Variants in WDR83 observed in about 807,000 individuals in gnomAD.
The protein encoded by WDR83 is WD repeat domain-containing protein 83.
Under a neutral mutation model 37.7 loss-of-function variants are expected in WDR83, and 37 were observed. The observed-to-expected ratio is 0.98, with a 90% CI of 0.76 to 1.29. The LOEUF (loss-of-function observed/expected upper bound fraction) is 1.29, where lower values mean the gene tolerates loss of function less well. WDR83 is among the 50% of genes most tolerant of loss of function. WDR83 has a pLI of 0.00. For missense variants in WDR83, 445 were observed against 414.4 expected, an observed-to-expected ratio of 1.07 and a Z score of -0.64; for synonymous variants, 174 against 181.1, an observed-to-expected ratio of 0.96 and a Z score of 0.31.
chr19:12,673,161 C>T (rs1177706745), intron 9 of WDR83, 41 bp from the exon 10 acceptor site: 1 of 1,610,558 alleles, frequency 6.2e-7, no homozygotes, highest in African/African-American at 1.3e-5. Context: ...CCTCTCCCAC[C>T]CCTGGAGAGG....
chr19:12,670,181 T>A lies in WDR83; in HGVS notation c.226T>A (p.Ser76Thr). 6.2e-7 allele frequency: 1 copy of A among 1,613,362 alleles called. No homozygotes were observed. Among genetic ancestry groups the A allele is most frequent in the Non-Finnish European group, 8.5e-7 (1 of 1,179,534 alleles). Residue 76 changes from serine (S) to threonine (T), a missense_variant and splice_region_variant, in exon 5 of 11, where the codon TCC (serine) becomes ACC (threonine). Ser to Thr is a moderately conservative substitution (Grantham distance 58). Transcript: ENST00000418543. ...HGYEVLDAAG[S>T]FDNSSLCSGG... ...GATCCTCCTCCTCCTTTACTCCAGC[T>A]CCTTTGACAACAGTAGTCTCTGCTC...
At position 12,675,504 on chromosome 19, in the gene WDR83, C is replaced by T. The variant is rs771459562; in HGVS notation, c.799-19C>T. 9 of 1,600,806 alleles carry T rather than the reference C, an allele frequency of 5.6e-6. No individual in the cohort carries two copies. The South Asian group carries it at 8.8e-5, about 16-fold the overall frequency. On this transcript the variant is annotated intron_variant, in intron 10 of 10. Coordinates refer to ENST00000418543, the MANE Select transcript of WDR83 (RefSeq NM_001099737.3). ...ACAGCCCAGCCACAGATAACCACTC[C>T]CTACCCCTCGCTCCACAGGGTGCGC...
Position 12,675,676 on chromosome 19 carries a change from C to G in WDR83, c.*4C>G. The G allele has an allele frequency of 6.3e-7, 1 of 1,599,928 alleles. No homozygotes were observed. Among genetic ancestry groups the G allele is most frequent in the Non-Finnish European group, 8.5e-7 (1 of 1,179,100 alleles). On this transcript the variant is annotated 3_prime_UTR_variant, in exon 11 of 11. Coordinates refer to ENST00000418543, the MANE Select transcript of WDR83 (RefSeq NM_001099737.3). ...GGCAGAGGATGGAGCAGGCTGAAGCCAGGGGACCCACCAACAGGACCAAGG... is the reference window on the plus strand; with the variant it reads ...GGCAGAGGATGGAGCAGGCTGAAGCGAGGGGACCCACCAACAGGACCAAGG...
chr19:12,671,677 T>G (rs2024422555), intron 7 of WDR83, among the ~76,000 whole-genome samples: 1 of 152,174 alleles, frequency 6.6e-6, no homozygotes, highest in South Asian at 2.1e-4. Flanking sequence ...AATAAATAAA[T>G]ACATAAAAAT....
At chr19:12,673,466 A>G in intron 10 of WDR83, 150 bp downstream of exon 10, 1 of 587,938 alleles carries the variant, frequency 1.7e-6, no homozygotes, top group Non-Finnish European at 2.8e-6. Flanking sequence ...CGCCCAGGCT[A>G]GAGTGCAGTG....
In WDR83 at chr19:12,675,829, C is replaced by A; in HGVS notation, c.*157C>A. ...AGAGGGGGTAAGACCTTCCTGGGAC[C>A]GCAGCCGCTCAGTCCTCGTTCTTCT... On this transcript the variant is annotated 3_prime_UTR_variant, in exon 11 of 11. Transcript: ENST00000418543. 6.3e-7 allele frequency: 1 copy of A among 1,580,510 alleles called. No individual in the cohort carries two copies. Among genetic ancestry groups the A allele is most frequent in the Middle Eastern group, 1.7e-4 (1 of 5,884 alleles).
rs141385449 is a variant in WDR83 at position 12,668,958 on chromosome 19, C to T, written c.-37+331C>T. On this transcript the variant is annotated intron_variant, in intron 2 of 10. Transcript: ENST00000418543. ...TCCCCAACCTGACTCGAATCCTTGA[C>T]TTCACCAAAGACTGGGGCTTTCTCG... is the stretch of plus-strand genomic sequence containing the variant. 2.6e-5 allele frequency among the ~76,000 whole-genome samples: 4 copies of T among 152,306 alleles called. No individual in the cohort carries two copies. The East Asian group carries it at 7.7e-4, about 29-fold the overall frequency.
In WDR83 at chr19:12,670,029, G is replaced by A. The variant is rs775209454; in HGVS notation, c.156G>A (p.Trp52Ter). ...GCAGTGACAAGACGCTGAAGCTGTG[G>A]AACCCGCTTCGGGGGACGCTGCTGC... ...TCGSDKTLKL[W>*]NPLRGTLLRT... The change falls in exon 4 of 11, where the codon TGG becomes TGA. Residue 52 changes from tryptophan (W) to a stop codon, truncating the protein, a stop_gained. Transcript: ENST00000418543. LOFTEE classifies it high-confidence loss of function. The A allele has an allele frequency of 1.2e-6, 2 of 1,613,390 alleles. No homozygotes were observed. Among genetic ancestry groups the A allele is most frequent in the Non-Finnish European group, 1.7e-6 (2 of 1,179,406 alleles).
At position 12,668,786 on chromosome 19, in the gene WDR83, G is replaced by C. The variant is rs1224515205; in HGVS notation, c.-37+159G>C. Among the ~76,000 whole-genome samples, 3 of 152,038 alleles carry C rather than the reference G, an allele frequency of 2.0e-5. No homozygotes were observed. The East Asian group carries it at 5.8e-4, about 29-fold the overall frequency. On this transcript the variant is annotated intron_variant, in intron 2 of 10. Transcript: ENST00000418543. ...CCTGCTCATGGCATACTCTAGATAC[G>C]TGGTTTCTAGTCCTACTGTCTGGCC...
intron 10 of WDR83, 94 bp downstream of exon 10, chr19:12,673,410 CTTTT>C (rs58676851): frequency 0.023 from 5,551 of 243,444 alleles, no homozygotes; most frequent in South Asian, 0.032. Context: ...AGGCTAGGAT[CTTTT>C]TTTTTTTTTT....
At position 12,670,802 on chromosome 19, in the gene WDR83, G is replaced by C. The variant is rs1371682023; in HGVS notation, c.487G>C (p.Asp163His). 1.9e-6 allele frequency: 3 copies of C among 1,613,700 alleles called. No individual in the cohort carries two copies. Among genetic ancestry groups the C allele is most frequent in the East Asian group, 4.5e-5 (2 of 44,864 alleles). ...RDGVSSVKVSDHEILAGSVDG... is the reference protein window; with the variant it reads ...RDGVSSVKVSHHEILAGSVDG... ...TGGCGTGTCCAGTGTGAAGGTGTCA[G>C]ACCACGAGATCCTGGCAGGGTGAGT... is the stretch of plus-strand genomic sequence containing the variant. The change falls in exon 7 of 11, where the codon GAC (aspartate) becomes CAC (histidine). Residue 163 changes from aspartate (D) to histidine (H), a missense_variant. By Grantham distance (81) the Asp-to-His change is moderately conservative. Transcript: ENST00000418543.
chr19:12,672,987 C>T, intron 8 of WDR83, 21 bp from the exon 9 acceptor site: 8 of 1,607,704 alleles, frequency 5.0e-6, no homozygotes, highest in Non-Finnish European at 6.8e-6. Context: ...CCCTCACTCA[C>T]CTACCCACCC....
intron 2 of WDR83, chr19:12,669,014 C>T: frequency 1.8e-6 from 2 of 1,099,526 alleles, no homozygotes; most frequent in South Asian, 1.3e-5. Flanking sequence ...CACTCCCGGC[C>T]GATCTCAGGT....
intron 1 of WDR83, among the ~76,000 whole-genome samples, chr19:12,667,894 T>C (rs2024299663): frequency 6.6e-6 from 1 of 151,730 alleles, no homozygotes; most frequent in African/African-American, 2.4e-5. Flanking sequence ...TCTGGTGAGT[T>C]GCCAGAGGGC....
intron 10 of WDR83, 112 bp from the exon 11 acceptor site, chr19:12,675,411 G>A: frequency 1.4e-6 from 2 of 1,455,564 alleles, no homozygotes; most frequent in Non-Finnish European, 1.8e-6. Flanking sequence ...TGAAGGTCGG[G>A]GAGAGGTGAC....
At chr19:12,670,525 A>G (rs1350724287) in intron 5 of WDR83, 38 bp from the exon 6 acceptor site, 6 of 1,614,000 alleles carry the variant, frequency 3.7e-6, no homozygotes, top group East Asian at 2.2e-5. Context: ...CCAGTCCTCC[A>G]AAGTCCAGCC....
At chr19:12,672,518 G>T in intron 7 of WDR83, 1 of 339,942 alleles carries the variant, frequency 2.9e-6, no homozygotes, top group South Asian at 2.9e-5. Context: ...TGAGGAAGGA[G>T]AATCTCTTGA....
chr19:12,671,800 C>T (rs1417533064), intron 7 of WDR83, among the ~76,000 whole-genome samples: 3 of 152,056 alleles, frequency 2.0e-5, no homozygotes, highest in Admixed American at 6.6e-5. Flanking sequence ...TAGGTTCAGG[C>T]GATTCTCCTG....
chr19:12,667,034 T>G, intron 1 of WDR83, 42 bp downstream of exon 1: 1 of 395,072 alleles, frequency 2.5e-6, no homozygotes. Flanking sequence ...CGGGTTTTCC[T>G]AGCCGGTGTA....
Sources: allele counts gnomAD v4.1 joint callset (sites outside exome capture counted in the v4.1 genomes callset), GRCh38; gene constraint gnomAD v4.1.1; transcripts MANE v1.5; gene names NCBI Gene and HGNC (gene_info 2026-07-23, HGNC 2026-07-21).